EP400: variants seen among roughly 807,000 people sequenced by gnomAD.
EP400 encodes the protein E1A binding protein p400.
In EP400, 105 loss-of-function variants were observed where a neutral mutation model predicts 354.1. The observed-to-expected ratio is 0.30, with a 90% CI of 0.25 to 0.35. EP400 has a LOEUF of 0.35. Among genes scored for constraint, EP400 ranks in the 10% least tolerant of loss-of-function variants. The pLI is 1.00. For synonymous variants in EP400, 1,646 were observed against 1,716.9 expected (o/e 0.96, Z 1.02); for missense variants, 3,280 against 4,121.0 (o/e 0.80, Z 5.59).
chr12:131,984,527 C>G (rs1477886069), intron 5 of EP400, among the ~76,000 whole-genome samples: 1 of 152,096 alleles, frequency 6.6e-6, no homozygotes, highest in African/African-American at 2.4e-5. Flanking sequence ...CAGCTGAGCT[C>G]TTCTAGGCCT....
At position 132,025,727 on chromosome 12, in the gene EP400, A is replaced by G. The variant is rs775847556; in HGVS notation, c.4937A>G (p.Gln1646Arg). The change falls in exon 25 of 53, where the codon CAG becomes CGG. Residue 1646 changes from glutamine to arginine, a missense_variant. Transcript: ENST00000389561. This position sits in a 1 kb window ranked among gnomAD's most constrained non-coding sequence, Gnocchi z 4.1. The part of the protein sequence containing the change: ...PGPVVMQTVS[Q>R]AGAVHGALGS... ...CCTGTGGTGATGCAGACCGTGTCTC[A>G]GGCGGGCGCTGTGCACGGCGCCCTG... 1.9e-6 allele frequency: 3 copies of G among 1,613,032 alleles called. No individual in the cohort carries two copies. In the South Asian group the frequency reaches 3.3e-5, roughly 18 times the overall value.
chr12:131,981,391 T>TC, intron 3 of EP400, 98 bp from the exon 4 acceptor site: 2 of 920,388 alleles, frequency 2.2e-6, no homozygotes, highest in Middle Eastern at 2.5e-4. Flanking sequence ...TAGAAAGGCC[T>TC]CCCTTTTCCA....
At chr12:131,951,240 C>G (rs1891477615) in intron 1 of EP400, among the ~76,000 whole-genome samples, 1 of 151,480 alleles carries the variant, frequency 6.6e-6, no homozygotes, top group South Asian at 2.1e-4. Context: ...TTAGTAGAGA[C>G]GGGGTTTCAC....
At chr12:132,048,640 A>C (rs1373547127) in intron 39 of EP400, among the ~76,000 whole-genome samples, 1 of 151,330 alleles carries the variant, frequency 6.6e-6, no homozygotes. Context: ...CTCCTGCCTC[A>C]GCCTCCCGAG....
At chr12:132,012,006 A>G (rs945958074) in intron 16 of EP400, among the ~76,000 whole-genome samples, 4 of 152,216 alleles carry the variant, frequency 2.6e-5, no homozygotes, top group Non-Finnish European at 4.4e-5. Context: ...CTCTGAATTT[A>G]AAACCCATAG....
intron 32 of EP400, among the ~76,000 whole-genome samples, chr12:132,039,846 A>G (rs1434001277): frequency 1.3e-5 from 2 of 152,222 alleles, no homozygotes; most frequent in Admixed American, 6.5e-5. Context: ...CAAGACTGGC[A>G]TGGGCATCAT....
rs1010256472 is a variant in EP400, at chr12:132,064,176, C to T, written c.8335-492C>T. On this transcript the variant is annotated intron_variant, in intron 47 of 52. Transcript: ENST00000389561. ...TGCCGTCAACATCAAGGCTGCCACC[C>T]AGCCTTGGCTGCCAGGAGCTCTGTG... Among the ~76,000 whole-genome samples, 11 of 152,156 alleles carry T rather than the reference C, an allele frequency of 7.2e-5. No homozygotes were observed. The South Asian group carries it at 1.3e-3, about 17-fold the overall frequency.
chr12:132,043,230 A>G, intron 32 of EP400, 74 bp from the exon 33 acceptor site: 8 of 1,517,448 alleles, frequency 5.3e-6, no homozygotes, highest in Non-Finnish European at 4.4e-6. Flanking sequence ...TTAACTTTAC[A>G]TGGGATAGCT....
At position 132,018,037 on chromosome 12, in the gene EP400, G is replaced by A. The variant is rs1342301612; in HGVS notation, c.4111-173G>A. Among the ~76,000 whole-genome samples, 1 of 152,232 alleles carries A rather than the reference G, an allele frequency of 6.6e-6. No homozygotes were observed. Among genetic ancestry groups the A allele is most frequent in the African/African-American group, 2.4e-5 (1 of 41,448 alleles). On this transcript the variant is annotated intron_variant, in intron 20 of 52. Transcript: ENST00000389561. The surrounding 1 kb of genome is among the most constrained non-coding windows in gnomAD (Gnocchi z 4.0). ...ACGCTCATCAGCAGAGCTTCACCAA[G>A]GGTGTGGCAGCACCTGTGTATTGGC...
chr12:132,024,772 T>C (rs1894242558), intron 24 of EP400, among the ~76,000 whole-genome samples: 1 of 139,936 alleles, frequency 7.1e-6, no homozygotes, highest in African/African-American at 2.7e-5. Context: ...TCCCTCACCT[T>C]CCTCGACAGC....
intron 2 of EP400, among the ~76,000 whole-genome samples, chr12:131,977,041 A>G (rs920427909): frequency 6.6e-6 from 1 of 151,156 alleles, no homozygotes; most frequent in African/African-American, 2.4e-5. Context: ...TCTTGCGAAT[A>G]TCACTTCCCT....
intron 30 of EP400, 79 bp downstream of exon 30, chr12:132,032,228 G>A (rs1565922798): frequency 1.3e-5 from 19 of 1,451,598 alleles, no homozygotes; most frequent in African/African-American, 4.3e-5. Flanking sequence ...GGATGGCCGC[G>A]TGGAAATGGA....
chr12:132,031,605 C>G (rs1285362855), intron 29 of EP400, among the ~76,000 whole-genome samples: 4 of 152,196 alleles, frequency 2.6e-5, no homozygotes, highest in African/African-American at 9.7e-5. Context: ...GTCGCCGAGG[C>G]TGGAGTACAG....
intron 2 of EP400, among the ~76,000 whole-genome samples, chr12:131,979,169 G>A (rs1019424056): frequency 2.7e-5 from 4 of 148,844 alleles, no homozygotes; most frequent in Non-Finnish European, 5.9e-5. Context: ...CTGAGATCCC[G>A]CCACTACACT....
In EP400 at chr12:132,021,217, C is replaced by G. The variant is rs771449373; in HGVS notation, c.4586C>G (p.Pro1529Arg). The G allele has an allele frequency of 6.3e-7, 1 of 1,594,176 alleles. No individual in the cohort carries two copies. The highest frequency in any genetic ancestry group is 1.8e-4 in the Middle Eastern group (1 of 5,438). The change falls in exon 23 of 53, where the codon CCA (proline) becomes CGA (arginine). Residue 1529 changes from proline (P) to arginine (R), a missense_variant. Physicochemically the swap from Pro to Arg is moderately radical, Grantham distance 103 (BLOSUM62 -2). Around this residue, in one of 20 missense-constraint regions of EP400, gnomAD observed 342 missense variants for 342.7 expected, o/e 1.00. Transcript: ENST00000389561. Reference sequence around the variant, plus strand: ...CAGACCACAGCACAGGCCTCCACCCCAGGCCAGCCCCCGCCCCAGCCCCAG... The same window carrying G: ...CAGACCACAGCACAGGCCTCCACCCGAGGCCAGCCCCCGCCCCAGCCCCAG... ...RAQTTAQAST[P>R]GQPPPQPQAP...
At chr12:131,995,972 C>T (rs911898235) in intron 12 of EP400, among the ~76,000 whole-genome samples, 3 of 152,152 alleles carry the variant, frequency 2.0e-5, no homozygotes, top group African/African-American at 7.2e-5. Flanking sequence ...TACCGTTCAT[C>T]CTGAGTGTGT....
At chr12:131,984,783 C>T (rs1000710165) in intron 5 of EP400, among the ~76,000 whole-genome samples, 1 of 151,888 alleles carries the variant, frequency 6.6e-6, no homozygotes, top group Admixed American at 6.6e-5. Flanking sequence ...ACTGCAACCT[C>T]TGCCTCCTGG....
At chr12:132,057,239 GC>G (rs1555223021) in intron 45 of EP400, among the ~76,000 whole-genome samples, 1 of 152,196 alleles carries the variant, frequency 6.6e-6, no homozygotes, top group Non-Finnish European at 1.5e-5. Context: ...ATTCAGGATT[GC>G]TCAAAAAGAA....
At chr12:131,965,510 T>G (rs1371108631) in intron 2 of EP400, among the ~76,000 whole-genome samples, 8 of 152,234 alleles carry the variant, frequency 5.3e-5, no homozygotes, top group Non-Finnish European at 1.2e-4. Flanking sequence ...TTAATGTACA[T>G]TCAGTAAAAT....
Sources: gnomAD v4.1 joint callset for allele counts (sites outside exome capture counted in the v4.1 genomes callset) on GRCh38, gnomAD v4.1.1 for gene constraint, gnomAD v4.1.1 regional missense constraint, Gnocchi (gnomAD v3.1) non-coding constraint, MANE v1.5 for transcripts, NCBI Gene and HGNC (gene_info 2026-07-23, HGNC 2026-07-21) for gene names.